The following HECW1 variants were observed in gnomAD, a reference collection of about 807,000 sequenced individuals.
HECW1 encodes E3 ubiquitin-protein ligase HECW1.
A neutral mutation model predicts 182.3 loss-of-function variants in HECW1; 61 were observed. That is an observed-to-expected ratio of 0.33 (90% CI 0.27 to 0.41). The LOEUF is 0.41. Ranked by LOEUF, HECW1 falls within the 10% of genes least tolerant of loss-of-function variation. HECW1 has a pLI of 1.00. For synonymous variants in HECW1, 859 were observed against 832.6 expected (o/e 1.03, Z -0.55); for missense variants, 1,739 against 2,108.9 (o/e 0.82, Z 3.44).
chr7:43,459,758 G>A (rs775281865), intron 13 of HECW1, among the ~76,000 whole-genome samples: 30 of 152,192 alleles, frequency 2.0e-4, no homozygotes, highest in African/African-American at 6.0e-4. Flanking sequence ...GGCTTGTCTC[G>A]AACCCCTGGC....
At chr7:43,122,305 C>T (rs141763008) in intron 2 of HECW1, among the ~76,000 whole-genome samples, 3 of 152,268 alleles carry the variant, frequency 2.0e-5, no homozygotes, top group African/African-American at 4.8e-5. Flanking sequence ...AGTGTCAGAC[C>T]GGAGCGAGAA....
intron 3 of HECW1, chr7:43,258,662 C>T (rs1800849913): frequency 6.6e-6 from 1 of 152,244 alleles, no homozygotes; most frequent in Non-Finnish European, 1.5e-5. Flanking sequence ...AAATCCTCCA[C>T]TTTACCTAAC....
intron 5 of HECW1, among the ~76,000 whole-genome samples, chr7:43,350,420 G>T (rs1814279222): frequency 6.6e-6 from 1 of 152,100 alleles, no homozygotes; most frequent in Non-Finnish European, 1.5e-5. Flanking sequence ...CTCTTGCAAG[G>T]CCAGGGAAGT....
chr7:43,200,623 T>C (rs1489048823), intron 2 of HECW1, among the ~76,000 whole-genome samples: 2 of 152,270 alleles, frequency 1.3e-5, no homozygotes, highest in Admixed American at 6.5e-5. Flanking sequence ...TGCCATGTTC[T>C]CTTGTCTGAC....
At position 43,360,998 on chromosome 7, in the gene HECW1, G is replaced by A. The variant is rs142171339; in HGVS notation, c.555+18G>A. 911 of 1,577,960 alleles carry A rather than the reference G, an allele frequency of 5.8e-4. 7 individuals carry two copies. The South Asian group carries it at 8.3e-3, about 14-fold the overall frequency. On this transcript the variant is annotated intron_variant, in intron 6 of 29. Transcript: ENST00000395891. ...CAGCTCCTGTAAGTCTCATTTCTCC[G>A]TCTTTGGTTAGACCTAACTCTGGTC...
chr7:43,146,584 C>T (rs1419438264), intron 2 of HECW1, among the ~76,000 whole-genome samples: 1 of 152,162 alleles, frequency 6.6e-6, no homozygotes, highest in African/African-American at 2.4e-5. Context: ...ATAAGTTGCC[C>T]AAGCATTACT....
At chr7:43,499,101 T>G (rs2152923027) in intron 19 of HECW1, among the ~76,000 whole-genome samples, 1 of 151,948 alleles carries the variant, frequency 6.6e-6, no homozygotes, top group South Asian at 2.1e-4. Flanking sequence ...CGCAACATGG[T>G]GAAACCCTGT....
chr7:43,118,338 T>G (rs1401496064), intron 2 of HECW1: 1 of 152,642 alleles, frequency 6.6e-6, no homozygotes. Flanking sequence ...CTGCTTTTGC[T>G]TTTGCTTTGG....
At chr7:43,470,266 A>G (rs1444382167) in intron 16 of HECW1, among the ~76,000 whole-genome samples, 1 of 152,174 alleles carries the variant, frequency 6.6e-6, no homozygotes, top group Admixed American at 6.5e-5. Flanking sequence ...CCAGAACAGA[A>G]AGTGAAGGAG....
chr7:43,459,729 G>C lies in HECW1; in HGVS notation c.2651+3282G>C, dbSNP rs150872867. ...ATTTTTGCATTTTTAGTAGAGAGAA[G>C]GTCTCACCATGTTGGCCAGGCTTGT... On this transcript the variant is annotated intron_variant, in intron 13 of 29. Coordinates refer to ENST00000395891, the MANE Select transcript of HECW1 (RefSeq NM_015052.5). 8.5e-3 allele frequency among the ~76,000 whole-genome samples: 1,298 copies of C among 152,220 alleles called. 15 individuals carry two copies. Among genetic ancestry groups the C allele is most frequent in the African/African-American group, 0.029 (1,196 of 41,536 alleles).
intron 8 of HECW1, among the ~76,000 whole-genome samples, chr7:43,437,783 G>C (rs1032400518): frequency 2.6e-5 from 4 of 152,092 alleles, no homozygotes; most frequent in East Asian, 1.9e-4. Context: ...TTTACTGCTT[G>C]AATCTCAAAG....
rs1028933394 is a variant in HECW1 at position 43,114,377 on chromosome 7, G to T, written c.-46G>T. Reference sequence around the variant, plus strand: ...GTTTCTCATCAGCAGACTCACTCCGGCTGTGGCTATTACGGTAATTCATTC... The same window carrying T: ...GTTTCTCATCAGCAGACTCACTCCGTCTGTGGCTATTACGGTAATTCATTC... On this transcript the variant is annotated 5_prime_UTR_variant, in exon 2 of 30. Coordinates refer to ENST00000395891, the MANE Select transcript of HECW1 (RefSeq NM_015052.5). The T allele has an allele frequency of 3.0e-6, 4 of 1,351,112 alleles. No homozygotes were observed. Among genetic ancestry groups the T allele is most frequent in the Non-Finnish European group, 3.9e-6 (4 of 1,026,558 alleles). The allele number at this position is 1,351,112 out of a possible 1,614,324, so 83.7% of individuals were successfully genotyped here.
intron 3 of HECW1, among the ~76,000 whole-genome samples, chr7:43,248,129 TGAGGA>T (rs1263024015): frequency 1.4e-5 from 2 of 142,954 alleles, no homozygotes; most frequent in African/African-American, 5.2e-5. Flanking sequence ...GGAGGAGAGG[TGAGGA>T]GAGGAGAGAA....
chr7:43,314,388 G>A (rs780111643), intron 4 of HECW1, among the ~76,000 whole-genome samples: 1 of 152,168 alleles, frequency 6.6e-6, no homozygotes, highest in Non-Finnish European at 1.5e-5. Context: ...CTAGTGTTGT[G>A]TATAGAAAGA....
intron 8 of HECW1, among the ~76,000 whole-genome samples, chr7:43,414,171 A>G (rs2075905012): frequency 1.3e-5 from 2 of 151,292 alleles, no homozygotes. Flanking sequence ...GGTCCTTCAC[A>G]TCCCTTGTAA....
intron 21 of HECW1, among the ~76,000 whole-genome samples, chr7:43,504,452 T>C (rs2079496212): frequency 6.6e-6 from 1 of 152,196 alleles, no homozygotes; most frequent in Non-Finnish European, 1.5e-5. Flanking sequence ...GCAGCGTAGA[T>C]TCTGCGGTTC....
intron 2 of HECW1, among the ~76,000 whole-genome samples, chr7:43,165,229 A>C (rs532030890): frequency 6.6e-6 from 1 of 152,236 alleles, no homozygotes; most frequent in Non-Finnish European, 1.5e-5. Context: ...GAAATGTGTC[A>C]ATTTCCCTTT....
At chr7:43,141,285 C>T (rs773978341) in intron 2 of HECW1, among the ~76,000 whole-genome samples, 1 of 152,142 alleles carries the variant, frequency 6.6e-6, no homozygotes, top group African/African-American at 2.4e-5. Flanking sequence ...CCCACCCCCA[C>T]GGCCCTGGAA....
intron 2 of HECW1, among the ~76,000 whole-genome samples, chr7:43,236,841 G>A (rs1299094599): frequency 6.6e-6 from 1 of 152,140 alleles, no homozygotes; most frequent in Non-Finnish European, 1.5e-5. Context: ...AGGGAGTTGT[G>A]TAGCTTTTTA....
Sources: allele counts gnomAD v4.1 joint callset (sites outside exome capture counted in the v4.1 genomes callset), GRCh38; gene constraint gnomAD v4.1.1; transcripts MANE v1.5; gene names NCBI Gene and HGNC (gene_info 2026-07-23, HGNC 2026-07-21).